Variants in PRKCG observed in about 807,000 individuals in gnomAD.
PRKCG encodes the protein protein kinase C gamma type.
PRKCG carries 28 observed loss-of-function variants against 82.0 expected under a neutral mutation model. The ratio of observed to expected loss-of-function variants is 0.34; its 90% CI spans 0.25 to 0.47. The LOEUF (loss-of-function observed/expected upper bound fraction) is 0.47. Among genes scored for constraint, PRKCG ranks in the 20% least tolerant of loss-of-function variants. The pLI, the probability that PRKCG is intolerant of heterozygous loss-of-function variation, is 1.00. For missense variants in PRKCG, 640 were observed against 952.7 expected (o/e 0.67, Z 4.32); for synonymous variants, 383 against 376.6 (o/e 1.02, Z -0.20).
chr19:53,893,239 C>T, intron 8 of PRKCG, 123 bp from the exon 9 acceptor site: 2 of 1,315,092 alleles, frequency 1.5e-6, no homozygotes, highest in Non-Finnish European at 2.2e-6. Flanking sequence ...GCCCCAGGGT[C>T]TGATGGGAAT....
intron 9 of PRKCG, among the ~76,000 whole-genome samples, chr19:53,895,732 C>A (rs1450165925): frequency 6.6e-6 from 1 of 152,170 alleles, no homozygotes; most frequent in East Asian, 1.9e-4. Context: ...TAAATTAATT[C>A]CTCAGGTGAT....
Position 53,889,435 on chromosome 19 carries a change from TC to T in PRKCG, c.286-202del, listed in dbSNP as rs2068654677. On this transcript the variant is annotated intron_variant, in intron 3 of 17. Transcript: ENST00000263431. This position sits in a 1 kb window ranked among gnomAD's most constrained non-coding sequence, Gnocchi z 4.4. The stretch of plus-strand genomic sequence containing the variant: ...CATGTGACAAAGAGGTTTTTTTTTT[TC>T]ATTTGTTTAATGCTGGGTCCCCACA... Among the ~76,000 whole-genome samples the T allele has an allele frequency of 1.3e-5, 2 of 151,932 alleles. No homozygotes were observed. The highest frequency in any genetic ancestry group is 1.3e-4 in the Admixed American group (2 of 15,262).
At chr19:53,897,533 C>G (rs879909788) in intron 9 of PRKCG, among the ~76,000 whole-genome samples, 1 of 152,138 alleles carries the variant, frequency 6.6e-6, no homozygotes, top group Admixed American at 6.5e-5. Flanking sequence ...ACCAAACCCT[C>G]TAGGGAATTC....
rs377341042 is a variant in PRKCG, at chr19:53,891,821, C to A, written c.677C>A (p.Thr226Asn). The A allele has an allele frequency of 4.3e-6, 7 of 1,613,906 alleles. No homozygotes were observed. In the South Asian group the frequency reaches 4.4e-5, roughly 10 times the overall value. Residue 226 changes from threonine to asparagine, a missense_variant, in exon 6 of 18, where the codon ACC (threonine) becomes AAC (asparagine). Physicochemically the swap from Thr to Asn is moderately conservative, Grantham distance 65. Around this residue, in one of 7 missense-constraint regions of PRKCG, gnomAD observed 261 missense variants for 312.1 expected, o/e 0.84. Coordinates refer to ENST00000263431, the MANE Select transcript of PRKCG (RefSeq NM_002739.5). ...ACGCTAAACCCTGTGTGGAATGAGA[C>A]CTTTGTGTTGTGAGTCTGGGGTGCA... ...KATLNPVWNE[T>N]FVFNLKPGDV...
At position 53,904,695 on chromosome 19, in the gene PRKCG, A is replaced by G; in HGVS notation, c.1717A>G (p.Thr573Ala). The change falls in exon 16 of 18, where the codon ACC (threonine) becomes GCC (alanine). Residue 573 changes from threonine to alanine, a missense_variant. Thr to Ala is a moderately conservative substitution (Grantham distance 58, BLOSUM62 0). Coordinates refer to ENST00000263431, the MANE Select transcript of PRKCG (RefSeq NM_002739.5). Reference protein sequence around the residue: ...LFQAIMEQTVTYPKSLSREAV... With the variant: ...LFQAIMEQTVAYPKSLSREAV... ...TCAGGCCATCATGGAACAAACTGTC[A>G]CCTACCCCAAGTCGCTTTCCCGGGA... 6.2e-7 allele frequency: 1 copy of G among 1,613,674 alleles called. No individual in the cohort carries two copies. The highest frequency in any genetic ancestry group is 8.5e-7 in the Non-Finnish European group (1 of 1,179,914).
intron 3 of PRKCG, among the ~76,000 whole-genome samples, chr19:53,885,524 C>A (rs563528492): frequency 4.6e-5 from 7 of 152,258 alleles, no homozygotes; most frequent in African/African-American, 1.7e-4. Flanking sequence ...GCCACCGCGC[C>A]CGGCAGAACT....
chr19:53,886,184 A>C (rs2068629984), intron 3 of PRKCG, among the ~76,000 whole-genome samples: 3 of 151,270 alleles, frequency 2.0e-5, no homozygotes, highest in Admixed American at 2.0e-4. Flanking sequence ...GGTTCACTGC[A>C]ACCTCTACCT....
chr19:53,887,296 G>A (rs1056624831), intron 3 of PRKCG, among the ~76,000 whole-genome samples: 11 of 151,758 alleles, frequency 7.2e-5, no homozygotes, highest in African/African-American at 2.7e-4. Context: ...TTGGGAGTTC[G>A]AGACCAGCCT....
In PRKCG at chr19:53,900,204, C is replaced by T. The variant is rs773191174; in HGVS notation, c.1282-29C>T. 7 of 1,595,808 alleles carry T rather than the reference C, an allele frequency of 4.4e-6. No homozygotes were observed. The Admixed American group carries it at 5.0e-5, about 11-fold the overall frequency. ...TCTCCTACTCTGGGTAGATGGATCC[C>T]GCCTCTAAGCCCATGCACTTCTCCG... is the stretch of plus-strand genomic sequence containing the variant. On this transcript the variant is annotated intron_variant, in intron 11 of 17. Coordinates refer to ENST00000263431, the MANE Select transcript of PRKCG (RefSeq NM_002739.5). The surrounding 1 kb of genome is among the most constrained non-coding windows in gnomAD (Gnocchi z 4.2).
chr19:53,894,166 C>T (rs912495301), intron 9 of PRKCG, among the ~76,000 whole-genome samples: 20 of 151,844 alleles, frequency 1.3e-4, no homozygotes, highest in African/African-American at 4.3e-4. Flanking sequence ...CCTGGGTTCA[C>T]GCCATTCTCC....
rs2068611942 is a variant in PRKCG at position 53,883,832 on chromosome 19, C to T, written c.203-329C>T. Among the ~76,000 whole-genome samples, 1 of 152,200 alleles carries T rather than the reference C, an allele frequency of 6.6e-6. No individual in the cohort carries two copies. Among genetic ancestry groups the T allele is most frequent in the African/African-American group, 2.4e-5 (1 of 41,440 alleles). On this transcript the variant is annotated intron_variant, in intron 2 of 17. Transcript: ENST00000263431. This position sits in a 1 kb window ranked among gnomAD's most constrained non-coding sequence, Gnocchi z 5.4. Reference sequence around the variant, plus strand: ...GCCTCTCTCCTGGCTTTCTGATCTCCGTCCGTGGGCCTGTGTCTGTTTGTC... The same window carrying T: ...GCCTCTCTCCTGGCTTTCTGATCTCTGTCCGTGGGCCTGTGTCTGTTTGTC...
At position 53,893,037 on chromosome 19, in the gene PRKCG, G is replaced by A; in HGVS notation, c.871G>A (p.Ala291Thr). The change falls in exon 8 of 18, where the codon GCC becomes ACC. Residue 291 changes from alanine (A) to threonine (T), a missense_variant. Coordinates refer to ENST00000263431, the MANE Select transcript of PRKCG (RefSeq NM_002739.5). The stretch of plus-strand genomic sequence containing the variant: ...GGGCGAGTATTACAATGTGCCGGTG[G>A]CCGATGCTGACAACTGCAGCCTCCT... ...EEGEYYNVPV[A>T]DADNCSLLQK... 6.2e-7 allele frequency: 1 copy of A among 1,614,030 alleles called. No individual in the cohort carries two copies. The highest frequency in any genetic ancestry group is 8.5e-7 in the Non-Finnish European group (1 of 1,179,984).
chr19:53,900,841 C>G lies in PRKCG; in HGVS notation c.1575+92C>G. On this transcript the variant is annotated intron_variant, in intron 14 of 17. Coordinates refer to ENST00000263431, the MANE Select transcript of PRKCG (RefSeq NM_002739.5). The surrounding 1 kb of genome is among the most constrained non-coding windows in gnomAD (Gnocchi z 4.2). ...TATTCACCACGGGTGAGGCCTGACCCTCAGACCTTGTCATGAGTTGTGGCC... is the reference window on the plus strand; with the variant it reads ...TATTCACCACGGGTGAGGCCTGACCGTCAGACCTTGTCATGAGTTGTGGCC... 6.3e-7 allele frequency: 1 copy of G among 1,587,952 alleles called. No homozygotes were observed. The highest frequency in any genetic ancestry group is 1.7e-5 in the Admixed American group (1 of 59,982).
chr19:53,881,591 G>A (rs903683450), upstream of PRKCG, among the ~76,000 whole-genome samples: 3 of 151,732 alleles, frequency 2.0e-5, no homozygotes, highest in African/African-American at 7.3e-5. Flanking sequence ...CAGAGATGGC[G>A]ACAGATACAG....
Position 53,892,716 on chromosome 19 carries a change from C to T in PRKCG, c.821+73C>T. ...TCCATCTGTGTGTGGTCTCTCTCCT[C>T]CAGGCCACTGTCCTTCCCTCTGCCT... On this transcript the variant is annotated intron_variant, in intron 7 of 17. Coordinates refer to ENST00000263431, the MANE Select transcript of PRKCG (RefSeq NM_002739.5). This position sits in a 1 kb window ranked among gnomAD's most constrained non-coding sequence, Gnocchi z 5.9. 6.5e-7 allele frequency: 1 copy of T among 1,547,026 alleles called. No homozygotes were observed. Among genetic ancestry groups the T allele is most frequent in the South Asian group, 1.2e-5 (1 of 83,880 alleles).
In PRKCG at chr19:53,898,421, T is replaced by C. The variant is rs2068733294; in HGVS notation, c.1093-19T>C. On this transcript the variant is annotated intron_variant, in intron 10 of 17. Transcript: ENST00000263431. ...TGGGTTCCCAACATGGACTGGCCCT[T>C]TTGGAACTGTGCGCATAGGTGATGC... The C allele has an allele frequency of 6.2e-7, 1 of 1,613,374 alleles. No homozygotes were observed. The highest frequency in any genetic ancestry group is 8.5e-7 in the Non-Finnish European group (1 of 1,179,722).
chr19:53,888,971 G>T (rs1350580015), intron 3 of PRKCG, among the ~76,000 whole-genome samples: 7 of 152,012 alleles, frequency 4.6e-5, no homozygotes, highest in Non-Finnish European at 7.4e-5. Flanking sequence ...GTTGTTGTTT[G>T]AGACAGAATC....
chr19:53,885,796 A>G (rs2068627135), intron 3 of PRKCG, among the ~76,000 whole-genome samples: 2 of 152,006 alleles, frequency 1.3e-5, no homozygotes, highest in Admixed American at 1.3e-4. Flanking sequence ...CATAGAACAT[A>G]TATTGAGCAC....
intron 16 of PRKCG, among the ~76,000 whole-genome samples, chr19:53,905,094 T>G (rs970673555): frequency 3.3e-5 from 5 of 152,184 alleles, no homozygotes; most frequent in Admixed American, 2.6e-4. Context: ...ACCAAAACTT[T>G]GTGAGCTTAA....
Sources: gnomAD v4.1 joint callset for allele counts (sites outside exome capture counted in the v4.1 genomes callset) on GRCh38, gnomAD v4.1.1 for gene constraint, gnomAD v4.1.1 regional missense constraint, Gnocchi (gnomAD v3.1) non-coding constraint, MANE v1.5 for transcripts, NCBI Gene and HGNC (gene_info 2026-07-23, HGNC 2026-07-21) for gene names.